Variants in PIGN observed in about 807,000 individuals in gnomAD.
PIGN encodes phosphatidylinositol glycan anchor biosynthesis class N.
PIGN carries 117 observed loss-of-function variants against 125.4 expected under a neutral mutation model. That is an observed-to-expected ratio of 0.93 (90% CI 0.80 to 1.09). The LOEUF (loss-of-function observed/expected upper bound fraction) is 1.09. Ranked by LOEUF, PIGN falls within the 50% of genes least tolerant of loss-of-function variation. The pLI, the probability that PIGN is intolerant of heterozygous loss-of-function variation, is 0.00. For synonymous variants in PIGN, 392 were observed against 377.8 expected, an observed-to-expected ratio of 1.04 and a Z score of -0.44; for missense variants, 1,075 against 1,094.9, an observed-to-expected ratio of 0.98 and a Z score of 0.26.
rs1288408818 is a variant in PIGN at position 62,186,074 on chromosome 18, G to A, written c.-236+770C>T. On this transcript the variant is annotated intron_variant, in intron 1 of 30. Coordinates refer to ENST00000640252, the MANE Select transcript of PIGN (RefSeq NM_176787.5). ...TTTTTTTTTTTTTTTTTTTTGAGAC[G>A]GAGTCTCGTTCTGTCGCCCAGGCTG... Among the ~76,000 whole-genome samples, 3 of 128,260 alleles carry A rather than the reference G, an allele frequency of 2.3e-5. No homozygotes were observed. In the East Asian group the frequency reaches 6.9e-4, roughly 30 times the overall value. The allele number at this position is 128,260 out of a possible 152,430, so 84.1% of individuals were successfully genotyped here.
intron 1 of PIGN, among the ~76,000 whole-genome samples, chr18:62,173,933 C>A (rs534256678): frequency 3.9e-4 from 59 of 152,164 alleles, no homozygotes; most frequent in African/African-American, 1.4e-3. Flanking sequence ...GATCATTTCT[C>A]GGCCGGGTGC....
At chr18:62,171,958 C>CA (rs1419157700) in intron 1 of PIGN, among the ~76,000 whole-genome samples, 1 of 152,090 alleles carries the variant, frequency 6.6e-6, no homozygotes, top group East Asian at 1.9e-4. Context: ...GTTTTGGTAT[C>CA]AGACAATGAG....
intron 23 of PIGN, among the ~76,000 whole-genome samples, chr18:62,032,552 C>G (rs1451872578): frequency 6.6e-6 from 1 of 152,184 alleles, no homozygotes; most frequent in Non-Finnish European, 1.5e-5. Flanking sequence ...AGTCTAGTTT[C>G]CACACCACCT....
At chr18:62,039,559 T>C (rs2030311305), downstream of PIGN, among the ~76,000 whole-genome samples, 2 of 84,710 alleles carry the variant, frequency 2.4e-5, no homozygotes, top group African/African-American at 3.6e-5. Flanking sequence ...CCATCCAGGG[T>C]GCCGCACCCC....
intron 8 of PIGN, 60 bp from the exon 9 acceptor site, chr18:62,147,161 A>G (rs2147290924): frequency 6.6e-7 from 1 of 1,505,194 alleles, no homozygotes; most frequent in East Asian, 2.3e-5. Context: ...AATTTATTCA[A>G]CGTGGATTCA....
chr18:62,110,887 A>ATT (rs143450979), intron 16 of PIGN, among the ~76,000 whole-genome samples: 2,768 of 147,808 alleles, frequency 0.019, 89 homozygotes, highest in East Asian at 0.12. Context: ...ATGTATATAT[A>ATT]TTATATATAT....
chr18:62,094,009 T>A (rs1372752331), intron 23 of PIGN, among the ~76,000 whole-genome samples: 1 of 152,142 alleles, frequency 6.6e-6, no homozygotes, highest in Non-Finnish European at 1.5e-5. Flanking sequence ...TAGTGCCTTA[T>A]TATTCTGATT....
chr18:62,043,505 A>C lies in PIGN; in HGVS notation c.*2351T>G, dbSNP rs1182083201. 6.6e-6 allele frequency: 1 copy of C among 152,204 alleles called. No homozygotes were observed. Among genetic ancestry groups the C allele is most frequent in the Non-Finnish European group, 1.5e-5 (1 of 68,024 alleles). 9.4% of individuals were successfully genotyped at this position (152,204 alleles called of 1,614,324 possible). A position where few individuals can be genotyped will look rare whatever the true frequency, so the allele number is the denominator to read the frequency against. ...TAATAAGTTTTTCATGAGAAACCAT[A>C]TTATAATGGATGAAGAGCTTTTCTA... is the stretch of plus-strand genomic sequence containing the variant. On this transcript the variant is annotated 3_prime_UTR_variant, in exon 31 of 31. Transcript: ENST00000640252.
Position 62,120,190 on chromosome 18 carries a change from T to C in PIGN, c.1173-5551A>G, listed in dbSNP as rs2035245812. Reference sequence around the variant, plus strand: ...TGCTGAAAACCAGTCAAAGAGAAAATCTTAAAAGCAGCTGGGGGAAGGGGA... The same window carrying C: ...TGCTGAAAACCAGTCAAAGAGAAAACCTTAAAAGCAGCTGGGGGAAGGGGA... On this transcript the variant is annotated intron_variant, in intron 14 of 30. Coordinates refer to ENST00000640252, the MANE Select transcript of PIGN (RefSeq NM_176787.5). Among the ~76,000 whole-genome samples the C allele has an allele frequency of 2.0e-5, 3 of 149,708 alleles. No homozygotes were observed. In the South Asian group the frequency reaches 6.3e-4, roughly 32 times the overall value.
At chr18:62,180,805 G>T (rs916704844) in intron 1 of PIGN, among the ~76,000 whole-genome samples, 1 of 151,944 alleles carries the variant, frequency 6.6e-6, no homozygotes, top group Non-Finnish European at 1.5e-5. Context: ...TGTTCATAGG[G>T]CCTTTTGTTA....
At chr18:62,082,342 C>T (rs1267401237) in intron 28 of PIGN, among the ~76,000 whole-genome samples, 1 of 151,982 alleles carries the variant, frequency 6.6e-6, no homozygotes, top group African/African-American at 2.4e-5. Flanking sequence ...GTATCTTTTG[C>T]TTTTTGTAGG....
At chr18:62,103,340 T>C (rs961297952) in intron 20 of PIGN, among the ~76,000 whole-genome samples, 5 of 150,086 alleles carry the variant, frequency 3.3e-5, no homozygotes, top group African/African-American at 1.2e-4. Flanking sequence ...GCAAAAAGTA[T>C]CTACATATAT....
intron 30 of PIGN, among the ~76,000 whole-genome samples, chr18:62,046,596 T>A (rs1487877049): frequency 6.6e-6 from 1 of 150,832 alleles, no homozygotes; most frequent in South Asian, 2.1e-4. Flanking sequence ...TGTGGAAAAA[T>A]TGTCTTCCAT....
chr18:62,166,517 A>C (rs751267521), intron 1 of PIGN, among the ~76,000 whole-genome samples: 1 of 152,224 alleles, frequency 6.6e-6, no homozygotes, highest in Non-Finnish European at 1.5e-5. Context: ...AGGATCTAGA[A>C]CAAGAAATAC....
chr18:62,070,427 C>T (rs534648197), intron 30 of PIGN: 10 of 398,410 alleles, frequency 2.5e-5, no homozygotes, highest in African/African-American at 1.8e-4. Context: ...AAATCCAATC[C>T]TGGATCTGAG....
intron 22 of PIGN, among the ~76,000 whole-genome samples, chr18:62,096,820 T>C (rs1418383118): frequency 2.1e-5 from 3 of 143,498 alleles, no homozygotes; most frequent in South Asian, 4.7e-4. Flanking sequence ...CTGAGAATGA[T>C]GGTTTCCAAT....
chr18:62,020,718 G>A (rs2030042615), intron 23 of PIGN, among the ~76,000 whole-genome samples: 1 of 151,806 alleles, frequency 6.6e-6, no homozygotes, highest in Non-Finnish European at 1.5e-5. Context: ...GGGAGGCCGA[G>A]GTGGGCAGAT....
chr18:62,151,921 A>G (rs921494806), intron 7 of PIGN, among the ~76,000 whole-genome samples: 1 of 152,174 alleles, frequency 6.6e-6, no homozygotes, highest in African/African-American at 2.4e-5. Flanking sequence ...AAATATTTGA[A>G]GAGATTTATT....
chr18:62,154,243 T>C (rs2036639386), intron 7 of PIGN: 1 of 414,320 alleles, frequency 2.4e-6, no homozygotes, highest in African/African-American at 2.1e-5. Context: ...ACTACAAGAG[T>C]CTGATTCCAT....
Sources: allele counts gnomAD v4.1 joint callset (sites outside exome capture counted in the v4.1 genomes callset), GRCh38; gene constraint gnomAD v4.1.1; transcripts MANE v1.5; gene names NCBI Gene and HGNC (gene_info 2026-07-23, HGNC 2026-07-21).